The following SLC6A15 variants were observed in gnomAD, a reference collection of about 807,000 sequenced individuals.
The protein encoded by SLC6A15 is sodium-dependent neutral amino acid transporter B(0)AT2.
Under a neutral mutation model 68.5 loss-of-function variants are expected in SLC6A15, and 33 were observed. The ratio of observed to expected loss-of-function variants is 0.48; its 90% confidence interval spans 0.37 to 0.64. The LOEUF (loss-of-function observed/expected upper bound fraction) is 0.64, where lower values mean the gene tolerates loss of function less well. Among genes scored for constraint, SLC6A15 ranks in the 30% least tolerant of loss-of-function variants. The pLI, the probability that SLC6A15 is intolerant of heterozygous loss-of-function variation, is 0.00. For synonymous variants in SLC6A15, 347 were observed against 301.0 expected, an observed-to-expected ratio of 1.15 and a Z score of -1.58; for missense variants, 747 against 874.3, an observed-to-expected ratio of 0.85 and a Z score of 1.84.
intron 1 of SLC6A15, among the ~76,000 whole-genome samples, chr12:84,894,362 T>G (rs1872545727): frequency 6.6e-6 from 1 of 152,116 alleles, no homozygotes; most frequent in South Asian, 2.1e-4. Context: ...GTCTGACAAA[T>G]TTGGAGTTGT....
intron 1 of SLC6A15, among the ~76,000 whole-genome samples, chr12:84,897,412 T>G (rs138095450): frequency 6.6e-6 from 1 of 152,180 alleles, no homozygotes; most frequent in Non-Finnish European, 1.5e-5. Context: ...CTAATTGGTA[T>G]AGCCAAACAC....
chr12:84,892,831 G>A (rs992311658), intron 1 of SLC6A15, among the ~76,000 whole-genome samples: 2 of 152,158 alleles, frequency 1.3e-5, no homozygotes, highest in African/African-American at 4.8e-5. Flanking sequence ...GTCCCACTCT[G>A]TCACCCAGGC....
chr12:84,882,802 A>C (rs1871883351), intron 5 of SLC6A15: 1 of 192,074 alleles, frequency 5.2e-6, no homozygotes, highest in Non-Finnish European at 9.6e-6. Context: ...AAATGGGATA[A>C]AGTATAAAAA....
chr12:84,889,317 T>C (rs937405677), intron 2 of SLC6A15, among the ~76,000 whole-genome samples: 2 of 151,376 alleles, frequency 1.3e-5, no homozygotes, highest in Admixed American at 6.6e-5. Context: ...GGTGAAACCC[T>C]GTCTCTACCA....
intron 5 of SLC6A15, 121 bp downstream of exon 5, chr12:84,883,738 T>C: frequency 6.2e-7 from 1 of 1,603,592 alleles, no homozygotes; most frequent in Non-Finnish European, 8.5e-7. Context: ...CACTAATATT[T>C]AACTACCTAG....
chr12:84,886,077 A>C lies in SLC6A15; in HGVS notation c.290-9T>G. On this transcript the variant is annotated splice_polypyrimidine_tract_variant and intron_variant, in intron 2 of 11. Transcript: ENST00000266682. ...TGGTAAAAGATATGCACCTAAAGAA[A>C]CAACAACAAAAAATAGATTATATTT... 6.5e-7 allele frequency: 1 copy of C among 1,548,730 alleles called. No individual in the cohort carries two copies. Among genetic ancestry groups the C allele is most frequent in the Non-Finnish European group, 8.9e-7 (1 of 1,129,294 alleles).
chr12:84,885,948 C>G lies in SLC6A15; in HGVS notation c.410G>C (p.Ser137Thr). ...AAATCCAATCCCGCCCAGTTTAGGG[C>G]TTATGTAATTCCATACACCAATGCT... ...RGSIGVWNYI[S>T]PKLGGIGFAS... The change falls in exon 3 of 12, where the codon AGC (serine) becomes ACC (threonine). Residue 137 changes from serine (S) to threonine (T), a missense_variant. Transcript: ENST00000266682. 1 of 1,612,284 alleles carries G rather than the reference C, an allele frequency of 6.2e-7. No homozygotes were observed. The highest frequency in any genetic ancestry group is 8.5e-7 in the Non-Finnish European group (1 of 1,179,002).
Position 84,883,778 on chromosome 12 carries a change from G to A in SLC6A15, c.756+81C>T, listed in dbSNP as rs748963863. On this transcript the variant is annotated intron_variant, in intron 5 of 11. Transcript: ENST00000266682. ...AAGTGTTATGTGTGATTTGCCCACA[G>A]AAATCTGTAACAGAATTTGAGAGAG... 3.7e-6 allele frequency: 6 copies of A among 1,613,706 alleles called. No homozygotes were observed. The East Asian group carries it at 6.7e-5, about 18-fold the overall frequency.
intron 9 of SLC6A15, among the ~76,000 whole-genome samples, chr12:84,868,481 C>T (rs1032676125): frequency 6.6e-6 from 1 of 152,140 alleles, no homozygotes; most frequent in African/African-American, 2.4e-5. Context: ...GCCTGTGTCA[C>T]TTTCACTATC....
chr12:84,884,685 C>T (rs2120640064), intron 4 of SLC6A15, among the ~76,000 whole-genome samples: 1 of 152,192 alleles, frequency 6.6e-6, no homozygotes, highest in East Asian at 1.9e-4. Context: ...CCTGGGTAAG[C>T]ATTGTCAAAT....
chr12:84,884,696 A>T (rs894296131), intron 4 of SLC6A15, among the ~76,000 whole-genome samples: 2 of 152,146 alleles, frequency 1.3e-5, no homozygotes, highest in African/African-American at 4.8e-5. Context: ...ATTGTCAAAT[A>T]TGCTAGCTGC....
chr12:84,883,203 T>A (rs1361141950), intron 5 of SLC6A15: 4 of 984,134 alleles, frequency 4.1e-6, no homozygotes, highest in Non-Finnish European at 3.6e-6. Flanking sequence ...TAGCAATTAC[T>A]TTCCTAGAGC....
chr12:84,893,056 T>A (rs1321122508), intron 1 of SLC6A15, among the ~76,000 whole-genome samples: 2 of 152,228 alleles, frequency 1.3e-5, no homozygotes, highest in East Asian at 3.8e-4. Context: ...CCTCCCAAAG[T>A]GCTGGGATTA....
chr12:84,862,061 T>C, intron 11 of SLC6A15, 55 bp from the exon 12 acceptor site: 2 of 1,478,600 alleles, frequency 1.4e-6, no homozygotes, highest in Non-Finnish European at 1.8e-6. Flanking sequence ...TGCACATACA[T>C]AAAATATTGT....
chr12:84,867,334 A>G, intron 9 of SLC6A15, 141 bp from the exon 10 acceptor site: 1 of 578,678 alleles, frequency 1.7e-6, no homozygotes. Flanking sequence ...TTCCTGATAC[A>G]TGGCATATAA....
intron 11 of SLC6A15, among the ~76,000 whole-genome samples, chr12:84,862,571 T>C (rs1476239773): frequency 6.6e-6 from 1 of 152,122 alleles, no homozygotes; most frequent in African/African-American, 2.4e-5. Context: ...AGGTCAGAAG[T>C]ATCTCTGAAA....
chr12:84,865,841 G>C (rs556168794), intron 10 of SLC6A15, among the ~76,000 whole-genome samples: 1 of 152,222 alleles, frequency 6.6e-6, no homozygotes, highest in East Asian at 1.9e-4. Context: ...ACCTACTAAA[G>C]GATATCTTGT....
At chr12:84,867,937 A>G (rs1871129065) in intron 9 of SLC6A15, 1 of 152,182 alleles carries the variant, frequency 6.6e-6, no homozygotes, top group African/African-American at 2.4e-5. Flanking sequence ...TAATATTCCC[A>G]TATTTTTGTT....
chr12:84,907,977 T>A (rs1438463549), intron 1 of SLC6A15, among the ~76,000 whole-genome samples: 2 of 152,170 alleles, frequency 1.3e-5, no homozygotes, highest in Non-Finnish European at 2.9e-5. Flanking sequence ...ATTCTTGCAA[T>A]GACCAAAAAA....
Sources: gnomAD v4.1 joint callset for allele counts (sites outside exome capture counted in the v4.1 genomes callset) on GRCh38, gnomAD v4.1.1 for gene constraint, MANE v1.5 for transcripts, NCBI Gene and HGNC (gene_info 2026-07-23, HGNC 2026-07-21) for gene names.